The following ACACA variants were observed in gnomAD, a reference collection of about 807,000 sequenced individuals.
ACACA encodes the protein acetyl-CoA carboxylase 1.
Under a neutral mutation model 296.1 loss-of-function variants are expected in ACACA, and 103 were observed. The ratio of observed to expected loss-of-function variants is 0.35; its 90% CI spans 0.30 to 0.41. The LOEUF is 0.41. ACACA is among the 10% of genes least tolerant of loss of function. The pLI is 1.00. For missense variants in ACACA, 1,554 were observed against 2,989.7 expected (o/e 0.52, Z 11.20); for synonymous variants, 953 against 1,038.6 (o/e 0.92, Z 1.58).
chr17:37,338,289 A>G (rs1296785678), intron 2 of ACACA, among the ~76,000 whole-genome samples: 1 of 151,112 alleles, frequency 6.6e-6, no homozygotes, highest in Non-Finnish European at 1.5e-5. Flanking sequence ...TTTACTATAC[A>G]TTTCTCCCTT....
chr17:37,156,500 A>G (rs1488204422), intron 42 of ACACA, among the ~76,000 whole-genome samples: 1 of 152,226 alleles, frequency 6.6e-6, no homozygotes, highest in African/African-American at 2.4e-5. Flanking sequence ...CATCAAAATA[A>G]ATATAAGCAA....
At chr17:37,191,949 A>G in intron 37 of ACACA, 141 bp downstream of exon 37, 2 of 880,200 alleles carry the variant, frequency 2.3e-6, no homozygotes, top group South Asian at 3.2e-5. Flanking sequence ...GAAATAGAAC[A>G]AGAACCTTGA....
chr17:37,383,639 C>T (rs1197323876), intron 1 of ACACA, among the ~76,000 whole-genome samples: 2 of 152,214 alleles, frequency 1.3e-5, no homozygotes, highest in African/African-American at 4.8e-5. Flanking sequence ...CCTCCGCCTC[C>T]CAGGTTCAAG....
intron 36 of ACACA, among the ~76,000 whole-genome samples, chr17:37,192,647 T>C (rs1321950694): frequency 6.6e-6 from 1 of 152,160 alleles, no homozygotes; most frequent in African/African-American, 2.4e-5. Flanking sequence ...TTTATATTAA[T>C]TACAGGCTGC....
intron 29 of ACACA, among the ~76,000 whole-genome samples, 197 bp from the exon 30 acceptor site, chr17:37,210,687 C>T (rs962347343): frequency 7.0e-6 from 1 of 143,362 alleles, no homozygotes; most frequent in African/African-American, 2.7e-5. Flanking sequence ...TACCTCACCA[C>T]ACCAGCTGTT....
At chr17:37,153,355 A>G (rs2076116919) in intron 43 of ACACA, among the ~76,000 whole-genome samples, 1 of 152,186 alleles carries the variant, frequency 6.6e-6, no homozygotes, top group African/African-American at 2.4e-5. Flanking sequence ...GCACTACAAG[A>G]TATTTTAAAT....
At chr17:37,180,475 T>C (rs537069823) in intron 40 of ACACA, among the ~76,000 whole-genome samples, 2 of 152,214 alleles carry the variant, frequency 1.3e-5, no homozygotes, top group Non-Finnish European at 2.9e-5. Context: ...AAATCCTATA[T>C]TCATAGATTT....
Position 37,263,758 on chromosome 17 carries a change from C to T in ACACA, c.1256G>A (p.Arg419His). ...SLFGRDCSVQ[R>H]RHQKIIEEAP... ...TTCTTCAATAATCTTCTGATGCCTGCGTTGTACAGAGCAATCACGACCAAA... is the reference window on the plus strand; with the variant it reads ...TTCTTCAATAATCTTCTGATGCCTGTGTTGTACAGAGCAATCACGACCAAA... The change falls in exon 11 of 56, where the codon CGC becomes CAC. Residue 419 changes from arginine to histidine, a missense_variant. Transcript: ENST00000616317. The T allele has an allele frequency of 6.2e-7, 1 of 1,613,984 alleles. No homozygotes were observed. Among genetic ancestry groups the T allele is most frequent in the Non-Finnish European group, 8.5e-7 (1 of 1,179,978 alleles).
intron 24 of ACACA, among the ~76,000 whole-genome samples, chr17:37,237,374 T>C (rs2080162158): frequency 1.3e-5 from 2 of 152,240 alleles, no homozygotes; most frequent in Admixed American, 1.3e-4. Flanking sequence ...CTCTAAAGTA[T>C]ATTTTCTAGG....
At chr17:37,186,509 G>A (rs1028917203) in intron 39 of ACACA, among the ~76,000 whole-genome samples, 2 of 152,200 alleles carry the variant, frequency 1.3e-5, no homozygotes, top group African/African-American at 4.8e-5. Flanking sequence ...ATTCATTAAA[G>A]AAAGGGAAAA....
At chr17:37,129,606 C>T in intron 46 of ACACA, 121 bp from the exon 47 acceptor site, 3 of 1,318,306 alleles carry the variant, frequency 2.3e-6, no homozygotes, top group Non-Finnish European at 3.2e-6. Context: ...CCCAATAGTC[C>T]CAATCTTCAG....
chr17:37,213,420 T>C (rs116899277), intron 29 of ACACA, among the ~76,000 whole-genome samples: 1 of 150,676 alleles, frequency 6.6e-6, no homozygotes, highest in Non-Finnish European at 1.5e-5. Flanking sequence ...TTCAAATACA[T>C]AAATGGGACA....
In ACACA at chr17:37,257,738, G is replaced by A. The variant is rs763307599; in HGVS notation, c.1791C>T (p.Cys597=). 6.2e-7 allele frequency: 1 copy of A among 1,614,106 alleles called. No homozygotes were observed. Among genetic ancestry groups the A allele is most frequent in the Admixed American group, 1.7e-5 (1 of 60,022 alleles). ...HEFADSQFGH[C]FSWGENREEA... ...CTTCTCTGTTTTCTCCCCAAGAAAA[G>A]CAGTGACCAAACTGAGAATCAGCAA... Residue 597 remains cysteine, a synonymous_variant, in exon 14 of 56, where the codon TGC becomes TGT. Coordinates refer to ENST00000616317, the MANE Select transcript of ACACA (RefSeq NM_198834.3).
intron 1 of ACACA, among the ~76,000 whole-genome samples, chr17:37,363,266 TC>T (rs1054468430): frequency 1.6e-5 from 2 of 122,816 alleles, no homozygotes; most frequent in Non-Finnish European, 3.2e-5. Flanking sequence ...CACTGCAACC[TC>T]CACCTCCCGG....
intron 1 of ACACA, among the ~76,000 whole-genome samples, chr17:37,355,312 C>A (rs1390846078): frequency 1.3e-5 from 2 of 151,868 alleles, no homozygotes; most frequent in Non-Finnish European, 2.9e-5. Context: ...AATCCCAGCA[C>A]TTTGGGAGGC....
At chr17:37,244,875 A>G in intron 20 of ACACA, 141 bp from the exon 21 acceptor site, 1 of 1,387,422 alleles carries the variant, frequency 7.2e-7, no homozygotes, top group Non-Finnish European at 1.0e-6. Context: ...GAAACATCAT[A>G]AGGAAATTAC....
chr17:37,270,969 T>C, intron 9 of ACACA, 108 bp from the exon 10 acceptor site: 1 of 775,564 alleles, frequency 1.3e-6, no homozygotes. Flanking sequence ...TAATTCTAAA[T>C]ACAATAAAAT....
At chr17:37,277,530 T>C (rs1391877031) in intron 6 of ACACA, among the ~76,000 whole-genome samples, 1 of 152,206 alleles carries the variant, frequency 6.6e-6, no homozygotes, top group Non-Finnish European at 1.5e-5. Flanking sequence ...TTAAGGTACC[T>C]ACCCTAAACT....
At chr17:37,395,832 C>T (rs751003459) in intron 1 of ACACA, among the ~76,000 whole-genome samples, 17 of 152,152 alleles carry the variant, frequency 1.1e-4, no homozygotes, top group Middle Eastern at 3.4e-3. Flanking sequence ...CGCGAGCCAC[C>T]GCGCCTAGGC....
Sources: gnomAD v4.1 joint callset for allele counts (sites outside exome capture counted in the v4.1 genomes callset) on GRCh38, gnomAD v4.1.1 for gene constraint, MANE v1.5 for transcripts, NCBI Gene and HGNC (gene_info 2026-07-23, HGNC 2026-07-21) for gene names.